Variants in CLMN observed in about 807,000 individuals in gnomAD.
CLMN encodes calmin.
CLMN carries 57 observed loss-of-function variants against 92.7 expected under a neutral mutation model. The observed-to-expected ratio is 0.61, with a 90% CI of 0.50 to 0.77. The LOEUF (loss-of-function observed/expected upper bound fraction) is 0.77, where lower values mean the gene tolerates loss of function less well. CLMN is among the 30% of genes least tolerant of loss of function. CLMN has a pLI of 0.00. For missense variants in CLMN, 1,158 were observed against 1,237.5 expected (o/e 0.94, Z 0.96); for synonymous variants, 466 against 470.6 (o/e 0.99, Z 0.13).
At chr14:95,274,906 G>T (rs117501407) in intron 1 of CLMN, among the ~76,000 whole-genome samples, 16,200 of 151,380 alleles carry the variant, frequency 0.11, 1,029 homozygotes, top group African/African-American at 0.17. Flanking sequence ...TTGAACCCAG[G>T]GGGGCAGAGG....
intron 1 of CLMN, among the ~76,000 whole-genome samples, chr14:95,263,016 G>T (rs1156890345): frequency 6.6e-6 from 1 of 152,194 alleles, no homozygotes; most frequent in Admixed American, 6.5e-5. Flanking sequence ...TGGCTCCCAG[G>T]CTCAGCCTGT....
intron 1 of CLMN, among the ~76,000 whole-genome samples, chr14:95,233,549 G>A (rs765618071): frequency 1.3e-5 from 2 of 152,198 alleles, no homozygotes; most frequent in Non-Finnish European, 2.9e-5. Context: ...GGCAAAACCA[G>A]AGATGAAGAA....
chr14:95,317,851 T>C (rs1002292570), intron 1 of CLMN, among the ~76,000 whole-genome samples: 5 of 152,226 alleles, frequency 3.3e-5, no homozygotes, highest in African/African-American at 1.2e-4. Context: ...TTTAAACATA[T>C]ACATACATTT....
intron 1 of CLMN, among the ~76,000 whole-genome samples, chr14:95,316,363 C>A (rs1901770694): frequency 6.6e-6 from 1 of 152,228 alleles, no homozygotes; most frequent in South Asian, 2.1e-4. Context: ...AGGGACATGC[C>A]CATGCTCTGC....
At chr14:95,228,929 C>A (rs1401574209) in intron 2 of CLMN, among the ~76,000 whole-genome samples, 1 of 152,218 alleles carries the variant, frequency 6.6e-6, no homozygotes, top group Non-Finnish European at 1.5e-5. Context: ...CCTGCCTCAG[C>A]CTCCCAAAGC....
chr14:95,250,149 G>C (rs899591577), intron 1 of CLMN, among the ~76,000 whole-genome samples: 2 of 152,222 alleles, frequency 1.3e-5, no homozygotes, highest in African/African-American at 4.8e-5. Flanking sequence ...CTGGGCCCCA[G>C]AACTGGGCCA....
At chr14:95,267,281 A>G (rs1185206370) in intron 1 of CLMN, among the ~76,000 whole-genome samples, 1 of 152,220 alleles carries the variant, frequency 6.6e-6, no homozygotes, top group Admixed American at 6.5e-5. Context: ...CATCCATCTG[A>G]TAAGGGATTA....
At position 95,189,624 on chromosome 14, in the gene CLMN, T is replaced by C. The variant is rs763783883; in HGVS notation, c.*1940A>G. Reference sequence around the variant, plus strand: ...GTCTAGACCCATAAAATGAAATGATTCACATTTGGGTTGGCTCTTCCCAGG... The same window carrying C: ...GTCTAGACCCATAAAATGAAATGATCCACATTTGGGTTGGCTCTTCCCAGG... On this transcript the variant is annotated 3_prime_UTR_variant, in exon 13 of 13. Transcript: ENST00000298912. The C allele has an allele frequency of 9.9e-5, 15 of 152,218 alleles. No homozygotes were observed. The highest frequency in any genetic ancestry group is 5.9e-5 in the Non-Finnish European group (4 of 68,030). The allele number at this position is 152,218 out of a possible 1,614,324, so 9.4% of individuals were successfully genotyped here. A position where few individuals can be genotyped will look rare whatever the true frequency, so the allele number is the denominator to read the frequency against.
At chr14:95,241,861 C>A (rs1346992476) in intron 1 of CLMN, among the ~76,000 whole-genome samples, 1 of 152,130 alleles carries the variant, frequency 6.6e-6, no homozygotes, top group Non-Finnish European at 1.5e-5. Flanking sequence ...ATGGAACACA[C>A]ACGCACGCAC....
intron 3 of CLMN, among the ~76,000 whole-genome samples, chr14:95,223,025 T>C (rs960695611): frequency 2.0e-5 from 3 of 152,242 alleles, no homozygotes; most frequent in Admixed American, 1.3e-4. Context: ...GAACAGGCTT[T>C]CTCAATCTTG....
chr14:95,292,639 G>A (rs1481593975), intron 1 of CLMN, among the ~76,000 whole-genome samples: 1 of 152,148 alleles, frequency 6.6e-6, no homozygotes, highest in Non-Finnish European at 1.5e-5. Context: ...GGTACCCTCT[G>A]ACTTCACCTG....
In CLMN at chr14:95,203,251, G is replaced by C; in HGVS notation, c.2098C>G (p.Leu700Val). Residue 700 changes from leucine to valine, a missense_variant, in exon 9 of 13, where the codon CTT becomes GTT. Transcript: ENST00000298912. ...AGGCCTTCTTCGCTGTGACTCCCAA[G>C]GGTCTCCAAGCTGACACAGCTGCTT... ...PPSSCVSLET[L>V]GSHSEEGLDF... The C allele has an allele frequency of 6.2e-7, 1 of 1,613,986 alleles. No homozygotes were observed. Among genetic ancestry groups the C allele is most frequent in the African/African-American group, 1.3e-5 (1 of 75,046 alleles).
intron 1 of CLMN, among the ~76,000 whole-genome samples, chr14:95,312,987 C>G (rs546920704): frequency 6.6e-6 from 1 of 152,298 alleles, no homozygotes; most frequent in South Asian, 2.1e-4. Flanking sequence ...AGGTGGATCA[C>G]CTGAGGTCAG....
chr14:95,259,312 C>T lies in CLMN; in HGVS notation c.83-29179G>A, dbSNP rs571130213. Among the ~76,000 whole-genome samples, 19 of 152,094 alleles carry T rather than the reference C, an allele frequency of 1.2e-4. No individual in the cohort carries two copies. The highest frequency in any genetic ancestry group is 4.3e-4 in the African/African-American group (18 of 41,454). On this transcript the variant is annotated intron_variant, in intron 1 of 12. Coordinates refer to ENST00000298912, the MANE Select transcript of CLMN (RefSeq NM_024734.4). This position sits in a 1 kb window ranked among gnomAD's most constrained non-coding sequence, Gnocchi z 4.3. ...AACACATATGTTTGGTTGGGAGATG[C>T]GACAGAGCTGACAGCAGGCTGGACC...
At chr14:95,258,004 T>G (rs1899071177) in intron 1 of CLMN, among the ~76,000 whole-genome samples, 1 of 151,886 alleles carries the variant, frequency 6.6e-6, no homozygotes, top group Non-Finnish European at 1.5e-5. Context: ...GTGTGGTGTG[T>G]GTACATGTGG....
chr14:95,231,155 G>A (rs956047530), intron 1 of CLMN, among the ~76,000 whole-genome samples: 4 of 151,454 alleles, frequency 2.6e-5, no homozygotes, highest in African/African-American at 7.3e-5. Flanking sequence ...CCTGAGCTCC[G>A]CCTCCTGTCA....
At chr14:95,299,269 A>G (rs562193941) in intron 1 of CLMN, among the ~76,000 whole-genome samples, 291 of 152,234 alleles carry the variant, frequency 1.9e-3, no homozygotes, top group African/African-American at 6.7e-3. Flanking sequence ...GTCAGGAGAG[A>G]GCAGATGCAA....
intron 1 of CLMN, among the ~76,000 whole-genome samples, chr14:95,318,302 T>C (rs1198973172): frequency 6.6e-6 from 1 of 152,154 alleles, no homozygotes; most frequent in Admixed American, 6.5e-5. Flanking sequence ...CTTGGCTTAT[T>C]ATCAAAAGAG....
chr14:95,242,497 T>G (rs1898289239), intron 1 of CLMN, among the ~76,000 whole-genome samples: 1 of 152,034 alleles, frequency 6.6e-6, no homozygotes, highest in East Asian at 1.9e-4. Context: ...TGACCTCAAG[T>G]GATCCACCTG....
Sources: allele counts gnomAD v4.1 joint callset (sites outside exome capture counted in the v4.1 genomes callset), GRCh38; gene constraint gnomAD v4.1.1; non-coding constraint Gnocchi (gnomAD v3.1); transcripts MANE v1.5; gene names NCBI Gene and HGNC (gene_info 2026-07-23, HGNC 2026-07-21).